Variants in KBTBD12 observed in about 807,000 individuals in gnomAD.
KBTBD12 encodes the protein kelch repeat and BTB domain containing 12.
A neutral mutation model predicts 58.7 loss-of-function variants in KBTBD12; 53 were observed. The ratio of observed to expected loss-of-function variants is 0.90; its 90% CI spans 0.72 to 1.14. The LOEUF is 1.14. KBTBD12 is among the 50% of genes most tolerant of loss of function. The pLI is 0.00. For missense variants in KBTBD12, 704 were observed against 751.3 expected (o/e 0.94, Z 0.74); for synonymous variants, 236 against 259.8 (o/e 0.91, Z 0.88).
Position 127,923,425 on chromosome 3 carries a change from A to G in KBTBD12, c.364A>G (p.Lys122Glu). The G allele has an allele frequency of 6.2e-7, 1 of 1,612,682 alleles. No individual in the cohort carries two copies. The highest frequency in any genetic ancestry group is 8.5e-7 in the Non-Finnish European group (1 of 1,179,768). ...QMEEVFSVCQ[K>E]YMMDHMDASN... ...GGAAGAAGTCTTCAGTGTGTGTCAA[A>G]AATATATGATGGACCACATGGATGC... The change falls in exon 2 of 6, where the codon AAA becomes GAA. Residue 122 changes from lysine to glutamate, a missense_variant. Transcript: ENST00000405109.
At position 127,984,790 on chromosome 3, in the gene KBTBD12, C is replaced by T. The variant is rs1940937378; in HGVS notation, c.*512C>T. ...GAAAAGTAGGTTGTAGCTAGATGAC[C>T]AACGCCTGAAAGAATGAGGAGTTGG... On this transcript the variant is annotated 3_prime_UTR_variant, in exon 6 of 6. Coordinates refer to ENST00000405109, the MANE Select transcript of KBTBD12 (RefSeq NM_207335.4). The T allele has an allele frequency of 6.5e-6, 1 of 152,680 alleles. No homozygotes were observed. The highest frequency in any genetic ancestry group is 2.4e-5 in the African/African-American group (1 of 41,476). 9.5% of individuals were successfully genotyped at this position (152,680 alleles called of 1,614,324 possible).
At chr3:127,916,278 T>C (rs955375255) in intron 1 of KBTBD12, among the ~76,000 whole-genome samples, 2 of 152,228 alleles carry the variant, frequency 1.3e-5, no homozygotes, top group Non-Finnish European at 2.9e-5. Flanking sequence ...TCTTTTTCCA[T>C]GCTAGTGAGA....
chr3:127,972,702 A>G (rs1008441482), intron 5 of KBTBD12, among the ~76,000 whole-genome samples: 5 of 152,262 alleles, frequency 3.3e-5, no homozygotes, highest in Admixed American at 6.5e-5. Context: ...ACCAGAAAGC[A>G]GGTACATTGT....
chr3:127,969,883 C>T (rs905930379), intron 5 of KBTBD12, among the ~76,000 whole-genome samples: 1 of 151,828 alleles, frequency 6.6e-6, no homozygotes, highest in African/African-American at 2.4e-5. Flanking sequence ...AAAATGTAGG[C>T]ATAAATCTTG....
intron 1 of KBTBD12, among the ~76,000 whole-genome samples, chr3:127,916,704 GC>G (rs1576366096): frequency 2.5e-5 from 3 of 122,102 alleles, no homozygotes; most frequent in Non-Finnish European, 5.2e-5. Flanking sequence ...AAAACAAAAA[GC>G]AAAAAAAAAA....
At chr3:127,938,035 A>G (rs1487403476) in intron 4 of KBTBD12, among the ~76,000 whole-genome samples, 1 of 152,186 alleles carries the variant, frequency 6.6e-6, no homozygotes, top group Non-Finnish European at 1.5e-5. Context: ...GCAGACCACC[A>G]TAAAGGAATT....
At chr3:127,932,872 C>G (rs1321194708) in intron 4 of KBTBD12, among the ~76,000 whole-genome samples, 1 of 152,118 alleles carries the variant, frequency 6.6e-6, no homozygotes, top group Non-Finnish European at 1.5e-5. Flanking sequence ...TAAAGTTTCA[C>G]TTAATAGTCA....
At chr3:127,931,270 A>G (rs1939694424) in intron 4 of KBTBD12, among the ~76,000 whole-genome samples, 1 of 152,214 alleles carries the variant, frequency 6.6e-6, no homozygotes, top group Non-Finnish European at 1.5e-5. Context: ...ATGAAGCAAA[A>G]TAATTAATGC....
chr3:127,947,844 C>G (rs997007261), intron 4 of KBTBD12, among the ~76,000 whole-genome samples: 4 of 152,196 alleles, frequency 2.6e-5, no homozygotes, highest in African/African-American at 9.6e-5. Context: ...CAGCAAATCC[C>G]TCAAGGGCAG....
chr3:127,959,107 G>A (rs1940377761), intron 4 of KBTBD12, among the ~76,000 whole-genome samples: 1 of 152,094 alleles, frequency 6.6e-6, no homozygotes, highest in African/African-American at 2.4e-5. Flanking sequence ...CTGATACGAG[G>A]TTGGAAAAAA....
intron 4 of KBTBD12, among the ~76,000 whole-genome samples, chr3:127,955,584 T>A (rs1940303014): frequency 6.6e-6 from 1 of 152,138 alleles, no homozygotes; most frequent in Non-Finnish European, 1.5e-5. Context: ...TGGCCCTCAC[T>A]ATTGGCAGAT....
chr3:127,980,417 C>T (rs1940853872), intron 5 of KBTBD12, among the ~76,000 whole-genome samples: 1 of 152,158 alleles, frequency 6.6e-6, no homozygotes, highest in Non-Finnish European at 1.5e-5. Flanking sequence ...GCAACCTCTA[C>T]CTCCTGGGTT....
At chr3:127,929,040 T>C (rs1939640690) in intron 3 of KBTBD12, among the ~76,000 whole-genome samples, 1 of 152,226 alleles carries the variant, frequency 6.6e-6, no homozygotes, top group African/African-American at 2.4e-5. Flanking sequence ...TCCATTTACA[T>C]AGTTAATTTT....
chr3:127,950,472 A>T (rs1017762093), intron 4 of KBTBD12, among the ~76,000 whole-genome samples: 2 of 152,240 alleles, frequency 1.3e-5, no homozygotes, highest in African/African-American at 4.8e-5. Flanking sequence ...TCAATTAAGT[A>T]ACATTGATGT....
At chr3:127,956,953 A>G (rs902133729) in intron 4 of KBTBD12, among the ~76,000 whole-genome samples, 1 of 152,194 alleles carries the variant, frequency 6.6e-6, no homozygotes, top group East Asian at 1.9e-4. Flanking sequence ...GTTCCACTAT[A>G]TTTGGTATCT....
chr3:127,930,215 G>A lies in KBTBD12; in HGVS notation c.1424G>A (p.Arg475Gln), dbSNP rs183002701. 6.2e-6 allele frequency: 10 copies of A among 1,609,306 alleles called. No individual in the cohort carries two copies. Among genetic ancestry groups the A allele is most frequent in the Middle Eastern group, 1.7e-4 (1 of 6,050 alleles). Reference protein sequence around the residue: ...YDPSQDQWSVRAPMKYSKYRF... With the variant: ...YDPSQDQWSVQAPMKYSKYRF... ...CCCAGCCAAGATCAATGGAGTGTGCGGGCACCCATGAAGTACTCTAAGTAC... is the reference window on the plus strand; with the variant it reads ...CCCAGCCAAGATCAATGGAGTGTGCAGGCACCCATGAAGTACTCTAAGTAC... The change falls in exon 4 of 6, where the codon CGG (arginine) becomes CAG (glutamine). Residue 475 changes from arginine (R) to glutamine (Q), a missense_variant. Transcript: ENST00000405109.
intron 4 of KBTBD12, among the ~76,000 whole-genome samples, chr3:127,956,793 G>T (rs1485459795): frequency 6.6e-6 from 1 of 152,164 alleles, no homozygotes; most frequent in African/African-American, 2.4e-5. Flanking sequence ...GAGGTAAATT[G>T]TTAAAGAAAA....
chr3:127,974,516 A>G (rs1475914482), intron 5 of KBTBD12, among the ~76,000 whole-genome samples: 1 of 152,180 alleles, frequency 6.6e-6, no homozygotes, highest in Non-Finnish European at 1.5e-5. Context: ...TTCAACTGAC[A>G]GGAACCTCCT....
intron 4 of KBTBD12, among the ~76,000 whole-genome samples, 195 bp from the exon 5 acceptor site, chr3:127,962,994 A>G (rs1299295844): frequency 6.6e-6 from 1 of 152,262 alleles, no homozygotes; most frequent in African/African-American, 2.4e-5. Context: ...ATGAATAAAA[A>G]TGACATTGAA....
Sources: allele counts gnomAD v4.1 joint callset (sites outside exome capture counted in the v4.1 genomes callset), GRCh38; gene constraint gnomAD v4.1.1; transcripts MANE v1.5; gene names NCBI Gene and HGNC (gene_info 2026-07-23, HGNC 2026-07-21).